PRCP: variants seen among roughly 807,000 people sequenced by gnomAD.
PRCP encodes prolylcarboxypeptidase.
In PRCP, 46 loss-of-function variants were observed where a neutral mutation model predicts 54.2. The ratio of observed to expected loss-of-function variants is 0.85; its 90% CI spans 0.67 to 1.09. The LOEUF (loss-of-function observed/expected upper bound fraction) is 1.09, where lower values mean the gene tolerates loss of function less well. PRCP is among the 50% of genes least tolerant of loss of function. The probability of loss-of-function intolerance (pLI) is 0.00; values close to 1 mark genes in which losing one functional copy is unlikely to be tolerated. For synonymous variants in PRCP, 240 were observed against 212.2 expected, an observed-to-expected ratio of 1.13 and a Z score of -1.14; for missense variants, 613 against 596.8, an observed-to-expected ratio of 1.03 and a Z score of -0.28.
Position 82,833,938 on chromosome 11 carries a change from C to T in PRCP, c.1274+4449G>A, listed in dbSNP as rs147981519. Among the ~76,000 whole-genome samples the T allele has an allele frequency of 6.2e-3, 946 of 152,166 alleles. 9 individuals are homozygous for T. Among genetic ancestry groups the T allele is most frequent in the African/African-American group, 0.022 (898 of 41,522 alleles). On this transcript the variant is annotated intron_variant, in intron 8 of 8. Transcript: ENST00000313010. The stretch of plus-strand genomic sequence containing the variant: ...CCACTTACTTTTCTCACAAAATATG[C>T]CCCCTTCTCCAATGATGATGATAAT...
At chr11:82,883,183 G>A (rs562888808) in intron 1 of PRCP, among the ~76,000 whole-genome samples, 7 of 152,252 alleles carry the variant, frequency 4.6e-5, no homozygotes, top group African/African-American at 1.2e-4. Context: ...AAAGCAATGC[G>A]ATCCAGAGTA....
intron 1 of PRCP, among the ~76,000 whole-genome samples, chr11:82,886,662 G>C (rs10792660): frequency 0.53 from 81,327 of 152,062 alleles, 22,348 homozygotes; most frequent in African/African-American, 0.66. Context: ...CATGGTACAA[G>C]GGCTGTGATG....
intron 8 of PRCP, chr11:82,830,654 A>AAAAAAAAAAAAAAC (rs1358047460): frequency 1.3e-5 from 2 of 150,192 alleles, no homozygotes. Flanking sequence ...AAAAAAAAAA[A>AAAAAAAAAAAAAAC]ACTACACTCC....
rs553019382 is a variant in PRCP, at chr11:82,851,113, T to A, written c.412-608A>T. 2.6e-5 allele frequency among the ~76,000 whole-genome samples: 4 copies of A among 152,326 alleles called. No homozygotes were observed. The South Asian group carries it at 8.3e-4, about 32-fold the overall frequency. On this transcript the variant is annotated intron_variant, in intron 3 of 8. Coordinates refer to ENST00000313010, the MANE Select transcript of PRCP (RefSeq NM_005040.4). The stretch of plus-strand genomic sequence containing the variant: ...CTCATAATGTTAAGTTTCATAAACA[T>A]CCTGCTCTCTACATGAAGACAATTT...
chr11:82,826,403 G>A (rs1315737577), intron 8 of PRCP: 1 of 152,028 alleles, frequency 6.6e-6, no homozygotes, highest in African/African-American at 2.4e-5. Context: ...TCCACTTTTT[G>A]GCTAATGAGT....
chr11:82,825,644 G>A (rs545223582), intron 8 of PRCP: 1 of 157,128 alleles, frequency 6.4e-6, no homozygotes, highest in East Asian at 1.9e-4. Flanking sequence ...AAAGAAGAAA[G>A]GGAGGGAGGG....
At chr11:82,890,714 G>A (rs549638474) in intron 1 of PRCP, among the ~76,000 whole-genome samples, 2 of 152,260 alleles carry the variant, frequency 1.3e-5, no homozygotes, top group Admixed American at 6.5e-5. Flanking sequence ...TGAGGCTTTC[G>A]CCTCCACTCA....
Position 82,838,384 on chromosome 11 carries a change from C to A in PRCP, c.1274+3G>T. On this transcript the variant is annotated splice_donor_region_variant and intron_variant, in intron 8 of 8. Transcript: ENST00000313010. ...AGTTTATCTTTGGACAGCAAAAACT[C>A]ACCTGAAAACAATGTTTGTGTGTGA... The A allele has an allele frequency of 3.1e-6, 5 of 1,597,296 alleles. No individual in the cohort carries two copies. Among genetic ancestry groups the A allele is most frequent in the Non-Finnish European group, 4.3e-6 (5 of 1,172,542 alleles).
intron 1 of PRCP, among the ~76,000 whole-genome samples, chr11:82,884,031 G>T (rs1049892272): frequency 6.6e-5 from 10 of 152,182 alleles, no homozygotes; most frequent in African/African-American, 2.4e-4. Flanking sequence ...CAGTGCTCAG[G>T]AAGAGGCAGA....
At chr11:82,896,411 A>G (rs1223234002) in intron 1 of PRCP, among the ~76,000 whole-genome samples, 1 of 152,140 alleles carries the variant, frequency 6.6e-6, no homozygotes, top group Non-Finnish European at 1.5e-5. Flanking sequence ...TTAATAGAAC[A>G]AAGTTTGACT....
chr11:82,849,422 T>C (rs111980768), intron 5 of PRCP, among the ~76,000 whole-genome samples: 2,342 of 152,284 alleles, frequency 0.015, 58 homozygotes, highest in African/African-American at 0.053. Context: ...TTCAGAATTA[T>C]TCTCCCTTTT....
intron 6 of PRCP, among the ~76,000 whole-genome samples, 165 bp downstream of exon 6, chr11:82,848,879 GTCCAA>G (rs1346380285): frequency 4.3e-4 from 65 of 152,164 alleles, no homozygotes; most frequent in African/African-American, 1.5e-3. Flanking sequence ...TAGGTAACAT[GTCCAA>G]GCCCACATAA....
intron 2 of PRCP, among the ~76,000 whole-genome samples, chr11:82,854,468 A>G (rs1466623244): frequency 2.6e-5 from 4 of 152,202 alleles, no homozygotes; most frequent in African/African-American, 7.2e-5. Flanking sequence ...CATCTCTACA[A>G]TGAGAATTAC....
In PRCP at chr11:82,835,534, G is replaced by A. The variant is rs12292230; in HGVS notation, c.1274+2853C>T. On this transcript the variant is annotated intron_variant, in intron 8 of 8. Coordinates refer to ENST00000313010, the MANE Select transcript of PRCP (RefSeq NM_005040.4). ...ACGTCCGGGGATGAGACAGTTTTTGGTCCTACTATGAGCAAGAAGAAAAAG... is the reference window on the plus strand; with the variant it reads ...ACGTCCGGGGATGAGACAGTTTTTGATCCTACTATGAGCAAGAAGAAAAAG... 6.0e-3 allele frequency: 1,719 copies of A among 285,238 alleles called. 30 individuals are homozygous for A. Among genetic ancestry groups the A allele is most frequent in the African/African-American group, 0.033 (1,472 of 44,188 alleles). 17.7% of individuals were successfully genotyped at this position (285,238 alleles called of 1,614,324 possible).
intron 1 of PRCP, among the ~76,000 whole-genome samples, chr11:82,874,690 CA>C (rs36084037): frequency 0.1 from 7,051 of 68,760 alleles, 288 homozygotes; most frequent in African/African-American, 0.21. Context: ...GACCCTGTCT[CA>C]AAAAAAAAAA....
Position 82,853,247 on chromosome 11 carries a change from T to C in PRCP, c.341A>G (p.Lys114Arg), listed in dbSNP as rs748423129. Reference sequence around the variant, plus strand: ...ATGTTCAGCAAACACCAACATAGCTTTCAGTTCCTCAGCCACATCCCACAT... The same window carrying C: ...ATGTTCAGCAAACACCAACATAGCTCTCAGTTCCTCAGCCACATCCCACAT... ...GFMWDVAEEL[K>R]AMLVFAEHRY... Residue 114 changes from lysine (K) to arginine (R), a missense_variant, in exon 3 of 9, where the codon AAA (lysine) becomes AGA (arginine). Coordinates refer to ENST00000313010, the MANE Select transcript of PRCP (RefSeq NM_005040.4). The C allele has an allele frequency of 1.2e-6, 2 of 1,613,282 alleles. No individual in the cohort carries two copies. Among genetic ancestry groups the C allele is most frequent in the Non-Finnish European group, 1.7e-6 (2 of 1,179,496 alleles).
chr11:82,871,876 G>A (rs371378057), intron 1 of PRCP, among the ~76,000 whole-genome samples: 2 of 152,166 alleles, frequency 1.3e-5, no homozygotes, highest in East Asian at 1.9e-4. Context: ...AATATGTAAC[G>A]TGGTCTAATA....
At chr11:82,853,420 CAAAT>C (rs1406055710) in intron 2 of PRCP, 142 bp from the exon 3 acceptor site, 2 of 546,750 alleles carry the variant, frequency 3.7e-6, no homozygotes, top group Non-Finnish European at 6.4e-6. Flanking sequence ...GTTTGTTCCA[CAAAT>C]AAATGACATA....
intron 1 of PRCP, among the ~76,000 whole-genome samples, chr11:82,885,154 C>T (rs1212777014): frequency 6.6e-6 from 1 of 152,124 alleles, no homozygotes; most frequent in Non-Finnish European, 1.5e-5. Flanking sequence ...CTCTTATACA[C>T]CAAATATGAT....
Sources: gnomAD v4.1 joint callset for allele counts (sites outside exome capture counted in the v4.1 genomes callset) on GRCh38, gnomAD v4.1.1 for gene constraint, MANE v1.5 for transcripts, NCBI Gene and HGNC (gene_info 2026-07-23, HGNC 2026-07-21) for gene names.